ERG: variants seen among roughly 807,000 people sequenced by gnomAD.
ERG encodes transcriptional regulator ERG.
Under a neutral mutation model 55.3 loss-of-function variants are expected in ERG, and 9 were observed. That is an observed-to-expected ratio of 0.16 (90% confidence interval 0.10 to 0.28). ERG has a LOEUF of 0.28. ERG is among the 10% of genes least tolerant of loss of function. The pLI, the probability that ERG is intolerant of heterozygous loss-of-function variation, is 1.00. For missense variants in ERG, 434 were observed against 631.6 expected, an observed-to-expected ratio of 0.69 and a Z score of 3.35; for synonymous variants, 223 against 237.3, an observed-to-expected ratio of 0.94 and a Z score of 0.55.
chr21:38,503,931 G>C (rs139415321), intron 2 of ERG, among the ~76,000 whole-genome samples: 1 of 152,194 alleles, frequency 6.6e-6, no homozygotes, highest in Admixed American at 6.5e-5. Flanking sequence ...GTTTAAGGAC[G>C]GTTTTTCTGT....
At chr21:38,481,867 G>C (rs2059241461) in intron 1 of ERG, among the ~76,000 whole-genome samples, 4 of 152,326 alleles carry the variant, frequency 2.6e-5, no homozygotes, top group African/African-American at 9.6e-5. Context: ...CCCTATCATA[G>C]CACATTAATA....
chr21:38,558,136 A>T (rs2059869634), intron 2 of ERG, among the ~76,000 whole-genome samples: 1 of 152,080 alleles, frequency 6.6e-6, no homozygotes, highest in African/African-American at 2.4e-5. Flanking sequence ...GAATCTGCTG[A>T]GGGTGGCCCC....
intron 9 of ERG, among the ~76,000 whole-genome samples, chr21:38,387,577 T>G (rs1987757729): frequency 6.6e-6 from 1 of 152,214 alleles, no homozygotes; most frequent in South Asian, 2.1e-4. Context: ...TGCAAGATCA[T>G]GGTAAGGATG....
intron 3 of ERG, among the ~76,000 whole-genome samples, chr21:38,419,997 T>C (rs1989462844): frequency 6.6e-6 from 1 of 152,068 alleles, no homozygotes; most frequent in Non-Finnish European, 1.5e-5. Context: ...CGGCATGTAT[T>C]GATGATGGTA....
chr21:38,534,291 A>G (rs2059693746), intron 2 of ERG, among the ~76,000 whole-genome samples: 1 of 152,072 alleles, frequency 6.6e-6, no homozygotes, highest in Non-Finnish European at 1.5e-5. Flanking sequence ...TTAATGTCAC[A>G]ATTTTTCTTT....
At chr21:38,500,938 T>C (rs1355621979), upstream of ERG, among the ~76,000 whole-genome samples, 1 of 152,190 alleles carries the variant, frequency 6.6e-6, no homozygotes, top group Non-Finnish European at 1.5e-5. Flanking sequence ...ATTCCTGTTG[T>C]CTTCAAAGAG....
At chr21:38,368,642 G>A in the ERG span, among the ~76,000 whole-genome samples, 5 of 152,010 alleles carry the variant, frequency 3.3e-5, no homozygotes, top group African/African-American at 1.2e-4. Flanking sequence ...GAGTTCAGGG[G>A]TACAAGTGCA....
intron 1 of ERG, among the ~76,000 whole-genome samples, chr21:38,614,009 G>A (rs2060244358): frequency 6.6e-6 from 1 of 152,166 alleles, no homozygotes; most frequent in Non-Finnish European, 1.5e-5. Flanking sequence ...GAGCTGCATG[G>A]AACCCTGGAG....
chr21:38,656,041 G>A (rs770080445), intron 1 of ERG, among the ~76,000 whole-genome samples: 25 of 152,214 alleles, frequency 1.6e-4, no homozygotes, highest in Middle Eastern at 3.4e-3. Context: ...CAACCCACAC[G>A]TGATGAGAAA....
intron 1 of ERG, among the ~76,000 whole-genome samples, chr21:38,489,703 C>T (rs988165426): frequency 1.2e-4 from 18 of 152,190 alleles, no homozygotes; most frequent in Admixed American, 2.6e-4. Flanking sequence ...TTTTGCCTGG[C>T]GTAGGCCAAG....
intron 2 of ERG, among the ~76,000 whole-genome samples, chr21:38,434,324 C>T (rs1226387236): frequency 6.6e-6 from 1 of 152,124 alleles, no homozygotes; most frequent in Non-Finnish European, 1.5e-5. Context: ...AGTCTCTTCC[C>T]TTCAGGCCTT....
At chr21:38,403,093 G>A (rs1311330439) in intron 4 of ERG, among the ~76,000 whole-genome samples, 1 of 152,208 alleles carries the variant, frequency 6.6e-6, no homozygotes, top group Admixed American at 6.5e-5. Flanking sequence ...ATAAAGTGGG[G>A]CTTCATGTAG....
chr21:38,657,505 A>C (rs766233885), intron 1 of ERG, among the ~76,000 whole-genome samples: 55 of 152,294 alleles, frequency 3.6e-4, no homozygotes, highest in Non-Finnish European at 6.2e-4. Flanking sequence ...CACTACCTTC[A>C]CTAGACTTTG....
intron 2 of ERG, among the ~76,000 whole-genome samples, chr21:38,540,046 A>C (rs1029970001): frequency 5.9e-5 from 9 of 151,760 alleles, no homozygotes; most frequent in Admixed American, 4.6e-4. Context: ...ACAGGCACAC[A>C]CCACCACGCC....
intron 2 of ERG, among the ~76,000 whole-genome samples, chr21:38,433,402 G>A (rs1006102354): frequency 1.3e-5 from 2 of 152,070 alleles, no homozygotes; most frequent in African/African-American, 2.4e-5. Context: ...TTGAGCTGTC[G>A]TCCATACATA....
chr21:38,470,783 A>G (rs1398638594), intron 1 of ERG: 1 of 152,242 alleles, frequency 6.6e-6, no homozygotes, highest in African/African-American at 2.4e-5. Flanking sequence ...TATTTTTTCC[A>G]AGAGTCTATT....
rs993777966 is a variant in ERG at position 38,382,481 on chromosome 21, C to T, written c.*922G>A. The T allele has an allele frequency of 2.6e-5, 28 of 1,063,754 alleles. No homozygotes were observed. Among genetic ancestry groups the T allele is most frequent in the Admixed American group, 1.6e-4 (3 of 18,660 alleles). 65.9% of individuals were successfully genotyped at this position (1,063,754 alleles called of 1,614,324 possible). A position where few individuals can be genotyped will look rare whatever the true frequency, so the allele number is the denominator to read the frequency against. On this transcript the variant is annotated 3_prime_UTR_variant, in exon 10 of 10. Transcript: ENST00000288319. ...CATTTGACAAACAAAGAAAGAGATG[C>T]GCATTTTTGTTTCTGAATTCTACTA...
At chr21:38,440,590 G>C (rs2058831603) in intron 2 of ERG, among the ~76,000 whole-genome samples, 2 of 152,124 alleles carry the variant, frequency 1.3e-5, no homozygotes, top group African/African-American at 4.8e-5. Context: ...GGAGGCTGAG[G>C]CGGGTGGATC....
chr21:38,601,683 C>T (rs1416332840), intron 1 of ERG, among the ~76,000 whole-genome samples: 2 of 152,120 alleles, frequency 1.3e-5, no homozygotes, highest in Non-Finnish European at 2.9e-5. Context: ...CTCCTATTTC[C>T]ATGTGCCAGC....
Sources: gnomAD v4.1 joint callset for allele counts (sites outside exome capture counted in the v4.1 genomes callset) on GRCh38, gnomAD v4.1.1 for gene constraint, MANE v1.5 for transcripts, NCBI Gene and HGNC (gene_info 2026-07-23, HGNC 2026-07-21) for gene names.